ZNF500: variants seen among roughly 807,000 people sequenced by gnomAD.
ZNF500 encodes the protein zinc finger protein 500.
In ZNF500, 31 loss-of-function variants were observed where a neutral mutation model predicts 30.1. The ratio of observed to expected loss-of-function variants is 1.03; its 90% CI spans 0.77 to 1.39. ZNF500 has a LOEUF of 1.39. ZNF500 is among the 40% of genes most tolerant of loss of function. The pLI, the probability that ZNF500 is intolerant of heterozygous loss-of-function variation, is 0.00. For synonymous variants in ZNF500, 392 were observed against 282.0 expected, an observed-to-expected ratio of 1.39 and a Z score of -3.91; for missense variants, 817 against 657.8, an observed-to-expected ratio of 1.24 and a Z score of -2.65.
chr16:4,764,343 T>C (rs1051622267), intron 2 of ZNF500, among the ~76,000 whole-genome samples: 4 of 151,354 alleles, frequency 2.6e-5, no homozygotes, highest in Non-Finnish European at 4.4e-5. Context: ...CTAGCCAACA[T>C]TGCAAAACCC....
At position 4,765,752 on chromosome 16, in the gene ZNF500, C is replaced by T; in HGVS notation, c.227G>A (p.Cys76Tyr). The part of the protein sequence containing the change: ...EALSRLWELC[C>Y]RWLRPELRTK... ...GCGCAGCTCCGGCCGCAGCCAGCGG[C>T]AGCACAGCTCCCAGAGGCGGCTCAG... is the stretch of plus-strand genomic sequence containing the variant. The change falls in exon 2 of 6, where the codon TGC becomes TAC. Residue 76 changes from cysteine to tyrosine, a missense_variant. By Grantham distance (194) the Cys-to-Tyr change is radical. Coordinates refer to ENST00000219478, the MANE Select transcript of ZNF500 (RefSeq NM_021646.4). 1.9e-6 allele frequency: 3 copies of T among 1,613,208 alleles called. No individual in the cohort carries two copies. The highest frequency in any genetic ancestry group is 2.5e-6 in the Non-Finnish European group (3 of 1,179,906).
intron 2 of ZNF500, chr16:4,763,616 G>A (rs2082231655): frequency 3.0e-6 from 3 of 985,388 alleles, no homozygotes; most frequent in Non-Finnish European, 3.6e-6. Context: ...ACACCTCTAA[G>A]GGAGCGTAGT....
Position 4,752,022 on chromosome 16 carries a change from CTGGATGCTGGAGGCAGCTGA to C in ZNF500, c.*334_*353del. On this transcript the variant is annotated 3_prime_UTR_variant, in exon 6 of 6. Transcript: ENST00000219478. ...GGATGAGGCTGTATGCCAGCAGCCA[CTGGATGCTGGAGGCAGCTGA>C]TGGACCCTCCCAGGCCCTTCAGGAG... is the stretch of plus-strand genomic sequence containing the variant. 8.3e-7 allele frequency: 1 copy of C among 1,200,834 alleles called. No individual in the cohort carries two copies. The highest frequency in any genetic ancestry group is 1.1e-6 in the Non-Finnish European group (1 of 945,826). 74.4% of individuals were successfully genotyped at this position (1,200,834 alleles called of 1,614,324 possible). A position where few individuals can be genotyped will look rare whatever the true frequency, so the allele number is the denominator to read the frequency against.
chr16:4,748,854 G>C lies in ZNF500; in HGVS notation c.*3522C>G, dbSNP rs546305099. ...GGGACAGTGTCCCAGCTTCCCCTGG[G>C]GTTCACCCCTGGCTGCCAGGCCACT... On this transcript the variant is annotated 3_prime_UTR_variant, in exon 6 of 6. Transcript: ENST00000219478. The C allele has an allele frequency of 2.0e-5, 3 of 152,484 alleles. No individual in the cohort carries two copies. The highest frequency in any genetic ancestry group is 4.1e-4 in the South Asian group (2 of 4,830). 9.4% of individuals were successfully genotyped at this position (152,484 alleles called of 1,614,324 possible).
Position 4,752,034 on chromosome 16 carries a change from G to C in ZNF500, c.*342C>G. On this transcript the variant is annotated 3_prime_UTR_variant, in exon 6 of 6. Coordinates refer to ENST00000219478, the MANE Select transcript of ZNF500 (RefSeq NM_021646.4). ...ATGCCAGCAGCCACTGGATGCTGGA[G>C]GCAGCTGATGGACCCTCCCAGGCCC... 8.0e-7 allele frequency: 1 copy of C among 1,255,140 alleles called. No homozygotes were observed. The allele number at this position is 1,255,140 out of a possible 1,614,324, so 77.8% of individuals were successfully genotyped here. A position where few individuals can be genotyped will look rare whatever the true frequency, so the allele number is the denominator to read the frequency against.
At chr16:4,747,604 G>A, downstream of ZNF500, 1 of 1,609,018 alleles carries the variant, frequency 6.2e-7, no homozygotes, top group South Asian at 1.1e-5. Flanking sequence ...AGGCCCTGAT[G>A]CCTCCTCTGG....
In ZNF500 at chr16:4,765,926, T is replaced by C. The variant is rs1191272865; in HGVS notation, c.53A>G (p.Glu18Gly). The C allele has an allele frequency of 6.2e-7, 1 of 1,606,428 alleles. No homozygotes were observed. Among genetic ancestry groups the C allele is most frequent in the South Asian group, 1.1e-5 (1 of 90,110 alleles). Reference protein sequence around the residue: ...QPLPTLEQDLEQEEILIVKVE... With the variant: ...QPLPTLEQDLGQEEILIVKVE... ...CTTCACAATCAGGATCTCTTCCTGTTCCAGGTCCTGCTCCAAGGTTGGCAG... is the reference window on the plus strand; with the variant it reads ...CTTCACAATCAGGATCTCTTCCTGTCCCAGGTCCTGCTCCAAGGTTGGCAG... The change falls in exon 2 of 6, where the codon GAA becomes GGA. Residue 18 changes from glutamate (E) to glycine (G), a missense_variant. Physicochemically the swap from Glu to Gly is moderately conservative, Grantham distance 98 (BLOSUM62 -2). Transcript: ENST00000219478.
chr16:4,763,354 G>A (rs956661063), intron 2 of ZNF500, among the ~76,000 whole-genome samples: 2 of 150,930 alleles, frequency 1.3e-5, no homozygotes, highest in East Asian at 1.9e-4. Flanking sequence ...AGCCGAGATC[G>A]TGCCACTGCA....
At chr16:4,755,401 C>T (rs977227030) in intron 5 of ZNF500, among the ~76,000 whole-genome samples, 3 of 152,206 alleles carry the variant, frequency 2.0e-5, no homozygotes, top group Admixed American at 6.5e-5. Flanking sequence ...ACTGTAACCT[C>T]TGCCTCCCAG....
chr16:4,764,507 T>C (rs1356055398), intron 2 of ZNF500, among the ~76,000 whole-genome samples: 1 of 145,182 alleles, frequency 6.9e-6, no homozygotes, highest in East Asian at 2.1e-4. Context: ...ATGGGCTAGG[T>C]GCGGTGGCTC....
chr16:4,744,410 C>T (rs759910688), downstream of ZNF500, among the ~76,000 whole-genome samples: 11 of 152,158 alleles, frequency 7.2e-5, no homozygotes, highest in East Asian at 7.7e-4. Context: ...CCAGCTAGAT[C>T]GTTTTAGCAC....
At chr16:4,762,069 C>A (rs1416633884) in intron 4 of ZNF500, among the ~76,000 whole-genome samples, 2 of 152,124 alleles carry the variant, frequency 1.3e-5, no homozygotes, top group African/African-American at 4.8e-5. Context: ...CTTAAATGGC[C>A]TCTGGAGAGA....
At chr16:4,755,734 C>G (rs1204541861) in intron 5 of ZNF500, among the ~76,000 whole-genome samples, 1 of 152,166 alleles carries the variant, frequency 6.6e-6, no homozygotes, top group Non-Finnish European at 1.5e-5. Context: ...GAAAACATGT[C>G]CTCAAACAGA....
chr16:4,760,710 G>T, intron 4 of ZNF500, 122 bp from the exon 5 acceptor site: 2 of 793,136 alleles, frequency 2.5e-6, no homozygotes, highest in Non-Finnish European at 4.0e-6. Context: ...GCCTGGTGGT[G>T]CAGCTGGTCT....
In ZNF500 at chr16:4,748,809, C is replaced by G. The variant is rs2082050433; in HGVS notation, c.*3567G>C. ...CACGGTGCCACGGGCTCAGGCAGCA[C>G]AGTAGGGCGCCGGGCCTTTGGGACA... On this transcript the variant is annotated 3_prime_UTR_variant, in exon 6 of 6. Transcript: ENST00000219478. 1.3e-5 allele frequency: 2 copies of G among 152,336 alleles called. No individual in the cohort carries two copies. The highest frequency in any genetic ancestry group is 2.9e-5 in the Non-Finnish European group (2 of 68,120). 9.4% of individuals were successfully genotyped at this position (152,336 alleles called of 1,614,324 possible). A position where few individuals can be genotyped will look rare whatever the true frequency, so the allele number is the denominator to read the frequency against.
chr16:4,744,800 G>A (rs2081992408), downstream of ZNF500: 10 of 1,530,524 alleles, frequency 6.5e-6, no homozygotes, highest in Non-Finnish European at 8.9e-6. Flanking sequence ...GGGGTCCTGA[G>A]GCTCCAGCTG....
chr16:4,747,396 G>A (rs547787494), downstream of ZNF500: 10 of 1,611,992 alleles, frequency 6.2e-6, no homozygotes, highest in South Asian at 1.1e-5. Flanking sequence ...TTTCAGAAGG[G>A]GACAGCCCAG....
downstream of ZNF500, chr16:4,747,256 T>G (rs1424411276): frequency 6.9e-7 from 1 of 1,441,510 alleles, no homozygotes; most frequent in Non-Finnish European, 9.4e-7. Context: ...GGAGCTGGGC[T>G]CATCTGCTTT....
chr16:4,764,058 G>C (rs2082236048), intron 2 of ZNF500: 4 of 985,428 alleles, frequency 4.1e-6, no homozygotes, highest in Non-Finnish European at 4.8e-6. Flanking sequence ...GAATGAGTAA[G>C]AGGCTTCCTC....
Sources: allele counts gnomAD v4.1 joint callset (sites outside exome capture counted in the v4.1 genomes callset), GRCh38; gene constraint gnomAD v4.1.1; transcripts MANE v1.5; gene names NCBI Gene and HGNC (gene_info 2026-07-23, HGNC 2026-07-21).